Variants in UVRAG observed in about 807,000 individuals in gnomAD.
UVRAG encodes UV radiation resistance-associated gene protein.
Under a neutral mutation model 78.0 loss-of-function variants are expected in UVRAG, and 19 were observed. That is an observed-to-expected ratio of 0.24 (90% CI 0.17 to 0.36). UVRAG has a LOEUF of 0.36. UVRAG is among the 10% of genes least tolerant of loss of function. The pLI, the probability that UVRAG is intolerant of heterozygous loss-of-function variation, is 1.00. For synonymous variants in UVRAG, 323 were observed against 324.6 expected, an observed-to-expected ratio of 1.00 and a Z score of 0.05; for missense variants, 740 against 853.8, an observed-to-expected ratio of 0.87 and a Z score of 1.66.
chr11:76,024,291 G>C lies in UVRAG; in HGVS notation c.1226+7311G>C, dbSNP rs1183021849. 3.3e-5 allele frequency among the ~76,000 whole-genome samples: 5 copies of C among 152,194 alleles called. No homozygotes were observed. In the South Asian group the frequency reaches 1.0e-3, roughly 32 times the overall value. On this transcript the variant is annotated intron_variant, in intron 12 of 14. Coordinates refer to ENST00000356136, the MANE Select transcript of UVRAG (RefSeq NM_003369.4). ...GGGCAATTTCAAGTAGCATGCCCCA[G>C]TGTGAGTAGCAGCAGTGATTTATTA...
intron 12 of UVRAG, among the ~76,000 whole-genome samples, chr11:76,055,844 G>C (rs898755899): frequency 6.6e-6 from 1 of 152,078 alleles, no homozygotes; most frequent in Non-Finnish European, 1.5e-5. Flanking sequence ...TGAGTAGCTG[G>C]GACTACAGGT....
intron 13 of UVRAG, among the ~76,000 whole-genome samples, chr11:76,080,461 TTTTA>T (rs1188338462): frequency 1.3e-5 from 2 of 151,972 alleles, no homozygotes; most frequent in Non-Finnish European, 2.9e-5. Flanking sequence ...CTACTTACCT[TTTTA>T]TTTATTTTTA....
At chr11:75,964,525 A>C (rs1444372684) in intron 7 of UVRAG, among the ~76,000 whole-genome samples, 1 of 152,226 alleles carries the variant, frequency 6.6e-6, no homozygotes, top group Non-Finnish European at 1.5e-5. Flanking sequence ...GCAGTTATGT[A>C]GTATTTTCTC....
At chr11:75,869,056 T>G (rs571832965) in intron 3 of UVRAG, among the ~76,000 whole-genome samples, 1 of 152,334 alleles carries the variant, frequency 6.6e-6, no homozygotes, top group Non-Finnish European at 1.5e-5. Flanking sequence ...CTAAGAGATA[T>G]GCTTGTTTTA....
In UVRAG at chr11:75,903,330, C is replaced by T. The variant is rs533572182; in HGVS notation, c.508-8624C>T. 3.3e-5 allele frequency among the ~76,000 whole-genome samples: 5 copies of T among 152,282 alleles called. No homozygotes were observed. The East Asian group carries it at 9.6e-4, about 29-fold the overall frequency. ...AGAAACCTTCCATGAGTTCTTACTG[C>T]CCATAGGTTGTCTTTACATTTTAGC... On this transcript the variant is annotated intron_variant, in intron 5 of 14. Transcript: ENST00000356136.
At chr11:75,883,147 T>C (rs7939821) in intron 4 of UVRAG, among the ~76,000 whole-genome samples, 4,821 of 152,142 alleles carry the variant, frequency 0.032, 261 homozygotes, top group African/African-American at 0.11. Flanking sequence ...CTATATTTCA[T>C]GGAGGATGGT....
intron 13 of UVRAG, among the ~76,000 whole-genome samples, chr11:76,112,274 GA>G (rs1666901593): frequency 6.6e-6 from 1 of 152,114 alleles, no homozygotes; most frequent in Admixed American, 6.5e-5. Context: ...AAAGCTAAAT[GA>G]CAGTAAAGAA....
At chr11:76,076,806 T>G (rs190483748) in intron 13 of UVRAG, among the ~76,000 whole-genome samples, 1 of 147,956 alleles carries the variant, frequency 6.8e-6, no homozygotes, top group African/African-American at 2.6e-5. Context: ...TAGGTTGTAT[T>G]TATTTATTTA....
At chr11:75,929,960 T>C (rs987599066) in intron 6 of UVRAG, among the ~76,000 whole-genome samples, 1 of 152,250 alleles carries the variant, frequency 6.6e-6, no homozygotes, top group Non-Finnish European at 1.5e-5. Context: ...TGTACCCATA[T>C]TGCACATAGA....
intron 4 of UVRAG, among the ~76,000 whole-genome samples, chr11:75,883,099 T>C (rs1946988045): frequency 6.6e-6 from 1 of 152,188 alleles, no homozygotes; most frequent in Non-Finnish European, 1.5e-5. Flanking sequence ...GGATAGACTC[T>C]GATATTAAGT....
At chr11:75,985,091 G>A (rs1591096099) in intron 8 of UVRAG, among the ~76,000 whole-genome samples, 1 of 151,454 alleles carries the variant, frequency 6.6e-6, no homozygotes. Flanking sequence ...ATATGATTGT[G>A]CCAGTTTATC....
At chr11:76,058,534 CAAAAAAAAA>C (rs71471400) in intron 12 of UVRAG, among the ~76,000 whole-genome samples, 1 of 111,350 alleles carries the variant, frequency 9.0e-6, no homozygotes, top group Non-Finnish European at 1.8e-5. Flanking sequence ...ACCCTATCTC[CAAAAAAAAA>C]AAAAAAAAAA....
At chr11:76,069,274 T>C (rs1217571926) in intron 13 of UVRAG, among the ~76,000 whole-genome samples, 1 of 152,210 alleles carries the variant, frequency 6.6e-6, no homozygotes, top group African/African-American at 2.4e-5. Context: ...GCTTGCCCTC[T>C]TCATGTCACT....
intron 12 of UVRAG, among the ~76,000 whole-genome samples, chr11:76,031,948 A>G (rs546787684): frequency 6.6e-6 from 1 of 152,236 alleles, no homozygotes; most frequent in South Asian, 2.1e-4. Flanking sequence ...GAATTTAATA[A>G]AGCTTTATTT....
In UVRAG at chr11:76,008,828, G is replaced by A. The variant is rs200721834; in HGVS notation, c.1021G>A (p.Val341Ile). The change falls in exon 11 of 15, where the codon GTA becomes ATA. Residue 341 changes from valine to isoleucine, a missense_variant. Val to Ile is a conservative substitution (Grantham distance 29). Transcript: ENST00000356136. ...ACAGAATGAACATAAGGATTACTTT[G>A]TATGCGGTGTCAAGTTGCCTAATTC... Reference protein sequence around the residue: ...IDLNEHKDYFVCGVKLPNSED... With the variant: ...IDLNEHKDYFICGVKLPNSED... 460 of 1,492,924 alleles carry A rather than the reference G, an allele frequency of 3.1e-4. 1 individual carries two copies. Among genetic ancestry groups the A allele is most frequent in the Non-Finnish European group, 1.9e-4 (212 of 1,107,452 alleles). 92.5% of individuals were successfully genotyped at this position (1,492,924 alleles called of 1,614,324 possible). A position where few individuals can be genotyped will look rare whatever the true frequency, so the allele number is the denominator to read the frequency against.
chr11:76,060,461 C>T (rs1951061480), intron 12 of UVRAG, among the ~76,000 whole-genome samples: 4 of 152,246 alleles, frequency 2.6e-5, no homozygotes, highest in Admixed American at 2.6e-4. Flanking sequence ...CCCACTTTGG[C>T]GGCACTTGAG....
Position 76,024,908 on chromosome 11 carries a change from T to G in UVRAG, c.1226+7928T>G, listed in dbSNP as rs565848367. Among the ~76,000 whole-genome samples the G allele has an allele frequency of 3.8e-4, 58 of 152,282 alleles. 1 individual carries two copies. Among genetic ancestry groups the G allele is most frequent in the South Asian group, 6.2e-4 (3 of 4,826 alleles). On this transcript the variant is annotated intron_variant, in intron 12 of 14. Transcript: ENST00000356136. The stretch of plus-strand genomic sequence containing the variant: ...TGGGAGATGGCAAGTAGAAATTGAA[T>G]GACTCATTGGATAAATTATAATTAA...
chr11:76,013,528 G>C (rs368830315), intron 11 of UVRAG, among the ~76,000 whole-genome samples: 1 of 152,188 alleles, frequency 6.6e-6, no homozygotes, highest in African/African-American at 2.4e-5. Context: ...TGTTAGGGAC[G>C]TCATTAATGC....
chr11:76,045,028 G>A (rs1950722266), intron 12 of UVRAG, among the ~76,000 whole-genome samples: 1 of 152,164 alleles, frequency 6.6e-6, no homozygotes, highest in South Asian at 2.1e-4. Flanking sequence ...AGTCTTTGAA[G>A]GTGAGTCGGG....
Sources: allele counts gnomAD v4.1 joint callset (sites outside exome capture counted in the v4.1 genomes callset), GRCh38; gene constraint gnomAD v4.1.1; transcripts MANE v1.5; gene names NCBI Gene and HGNC (gene_info 2026-07-23, HGNC 2026-07-21).